The following GABRE variants were observed in gnomAD, a reference collection of about 807,000 sequenced individuals.
The protein encoded by GABRE is gamma-aminobutyric acid receptor subunit epsilon.
In GABRE, 20 loss-of-function variants were observed where a neutral mutation model predicts 31.0. The observed-to-expected ratio is 0.64, with a 90% CI of 0.45 to 0.94. GABRE has a LOEUF of 0.94. GABRE is among the 40% of genes least tolerant of loss of function. GABRE has a pLI of 0.00. For missense variants in GABRE, 420 were observed against 410.7 expected, an observed-to-expected ratio of 1.02 and a Z score of -0.20; for synonymous variants, 155 against 150.6, an observed-to-expected ratio of 1.03 and a Z score of -0.21.
chrX:151,955,112 A>G, intron 8 of GABRE, 28 bp from the exon 9 acceptor site: 1 of 1,195,125 alleles, frequency 8.4e-7, no homozygotes, highest in Non-Finnish European at 1.1e-6. Flanking sequence ...AGAAGTGGGG[A>G]AAAGTCAAGG....
chrX:151,960,860 T>C (rs1490644037), intron 5 of GABRE, among the ~76,000 whole-genome samples: 1 of 111,746 alleles, frequency 8.9e-6, no homozygotes, highest in Admixed American at 9.5e-5. Flanking sequence ...AAGTTCTTGA[T>C]TTGCGCAACT....
chrX:151,966,725 A>G (rs947971329), intron 3 of GABRE, among the ~76,000 whole-genome samples: 2 of 112,322 alleles, frequency 1.8e-5, no homozygotes, highest in Non-Finnish European at 3.8e-5. Flanking sequence ...GTAGAAGGCA[A>G]GGCATTTCAG....
intron 4 of GABRE, among the ~76,000 whole-genome samples, chrX:151,961,982 C>A (rs1934393523): frequency 8.9e-6 from 1 of 111,767 alleles, no homozygotes; most frequent in South Asian, 3.8e-4. Context: ...TGCTATCCCC[C>A]ACACACAACC....
intron 2 of GABRE, 51 bp downstream of exon 2, chrX:151,970,134 C>T (rs1344330676): frequency 8.3e-7 from 1 of 1,201,371 alleles, no homozygotes; most frequent in Admixed American, 2.2e-5. Flanking sequence ...ATGCCTATGC[C>T]CTCAACCCCT....
At chrX:151,969,763 G>A (rs1569455490) in intron 2 of GABRE, 27 bp from the exon 3 acceptor site, 3 of 1,205,091 alleles carry the variant, frequency 2.5e-6, no homozygotes, top group Middle Eastern at 2.4e-4. Flanking sequence ...AGCAGCAGAG[G>A]GTAAGTGTCA....
chrX:151,971,458 A>G (rs1934692300), intron 1 of GABRE: 1 of 164,066 alleles, frequency 6.1e-6, no homozygotes, highest in African/African-American at 3.1e-5. Context: ...CACTGAGTGG[A>G]CAGTTGAGAC....
At chrX:151,966,579 G>A (rs1443369208) in intron 3 of GABRE, among the ~76,000 whole-genome samples, 1 of 112,039 alleles carries the variant, frequency 8.9e-6, no homozygotes, top group Non-Finnish European at 1.9e-5. Context: ...AGGCTGTCAT[G>A]AGGATCCAAG....
At chrX:151,974,537 G>A (rs1934839604) in intron 1 of GABRE, 33 bp downstream of exon 1, 1 of 1,081,130 alleles carries the variant, frequency 9.2e-7, no homozygotes, top group Admixed American at 2.7e-5. Context: ...AGCTGGGCGC[G>A]AAGGGCTCCC....
At chrX:151,967,339 C>G (rs1025582873) in intron 3 of GABRE, among the ~76,000 whole-genome samples, 1 of 112,156 alleles carries the variant, frequency 8.9e-6, no homozygotes, top group Non-Finnish European at 1.9e-5. Flanking sequence ...AATAGCTATG[C>G]AAATTTCTGG....
chrX:151,972,913 A>G (rs1271222028), intron 1 of GABRE, among the ~76,000 whole-genome samples: 1 of 110,724 alleles, frequency 9.0e-6, no homozygotes, highest in African/African-American at 3.3e-5. Context: ...TCAGACATTC[A>G]CATGTCTCTA....
chrX:151,974,400 C>T (rs1039280490), intron 1 of GABRE, among the ~76,000 whole-genome samples, 170 bp downstream of exon 1: 7 of 111,469 alleles, frequency 6.3e-5, no homozygotes, highest in African/African-American at 2.3e-4. Context: ...CGGGCCGAGG[C>T]CGGCGCGCAT....
intron 2 of GABRE, chrX:151,969,954 G>A: frequency 9.3e-7 from 1 of 1,070,901 alleles, no homozygotes; most frequent in Non-Finnish European, 1.2e-6. Flanking sequence ...ATCTAGTTTA[G>A]TCCTCTCATT....
intron 3 of GABRE, among the ~76,000 whole-genome samples, chrX:151,967,953 A>G (rs1451213874): frequency 8.9e-6 from 1 of 112,207 alleles, no homozygotes; most frequent in East Asian, 2.8e-4. Context: ...CTTGGGATGG[A>G]CCTCATGATT....
At chrX:151,972,394 A>G in intron 1 of GABRE, 1 of 754,015 alleles carries the variant, frequency 1.3e-6, no homozygotes, top group East Asian at 1.5e-4. Flanking sequence ...CTATGGGAAG[A>G]GAGGAGGAAA....
rs767505964 is a variant in GABRE at position 151,969,674 on chromosome X, C to T, written c.337G>A (p.Asp113Asn). 5.8e-6 allele frequency: 7 copies of T among 1,207,354 alleles called. No individual in the cohort carries two copies. The Admixed American group carries it at 1.3e-4, about 23-fold the overall frequency. ...TAAAAAAGCTTAGTACTCACCATGT[C>T]TAGGATAGAGAGAGGACCAAGGCTG... ...VNSLGPLSIL[D>N]MEYTIDIIFS... Residue 113 changes from aspartate (D) to asparagine (N), a missense_variant, in exon 3 of 9, where the codon GAC (aspartate) becomes AAC (asparagine). Physicochemically the swap from Asp to Asn is conservative, Grantham distance 23. Transcript: ENST00000370328.
At chrX:151,973,254 C>A (rs1398565968) in intron 1 of GABRE, among the ~76,000 whole-genome samples, 3 of 110,547 alleles carry the variant, frequency 2.7e-5, no homozygotes, top group Non-Finnish European at 5.7e-5. Flanking sequence ...GTTTCCATTT[C>A]CCCAGTCCCT....
chrX:151,972,745 C>T (rs1355706306), intron 1 of GABRE: 1 of 623,989 alleles, frequency 1.6e-6, no homozygotes, highest in Non-Finnish European at 1.9e-6. Context: ...AATAAACAAA[C>T]AAAACAAAAC....
chrX:151,968,812 T>C (rs1934599461), intron 3 of GABRE, among the ~76,000 whole-genome samples: 1 of 111,973 alleles, frequency 8.9e-6, no homozygotes, highest in African/African-American at 3.3e-5. Context: ...CCACAGATAA[T>C]TACAATGAAA....
chrX:151,970,700 G>T, intron 1 of GABRE: 1 of 293,882 alleles, frequency 3.4e-6, no homozygotes, highest in Non-Finnish European at 5.9e-6. Context: ...GAAATGAAGA[G>T]GGCATTTATG....
Sources: gnomAD v4.1 joint callset for allele counts (sites outside exome capture counted in the v4.1 genomes callset) on GRCh38, gnomAD v4.1.1 for gene constraint, MANE v1.5 for transcripts, NCBI Gene and HGNC (gene_info 2026-07-23, HGNC 2026-07-21) for gene names.